CAMTA2: variants seen among roughly 807,000 people sequenced by gnomAD.
The protein encoded by CAMTA2 is calmodulin binding transcription activator 2.
A neutral mutation model predicts 135.7 loss-of-function variants in CAMTA2; 56 were observed. The ratio of observed to expected loss-of-function variants is 0.41; its 90% CI spans 0.33 to 0.52. The LOEUF is 0.52. CAMTA2 is among the 20% of genes least tolerant of loss of function. The pLI is 0.16. For missense variants in CAMTA2, 1,358 were observed against 1,553.4 expected (o/e 0.87, Z 2.11); for synonymous variants, 591 against 604.6 (o/e 0.98, Z 0.33).
In CAMTA2 at chr17:4,977,153, C is replaced by T. The variant is rs890876233; in HGVS notation, c.1805G>A (p.Arg602Gln). The T allele has an allele frequency of 1.1e-5, 17 of 1,613,900 alleles. No homozygotes were observed. The African/African-American group carries it at 1.2e-4, about 11-fold the overall frequency. Reference protein sequence around the residue: ...VGLVSLQVAGREGPLSASVLF... With the variant: ...VGLVSLQVAGQEGPLSASVLF... The stretch of plus-strand genomic sequence containing the variant: ...CACAGAAGCAGAAAGGGGCCCCTCC[C>T]GCCCTGCCACCTGCAAAGACACCAG... Residue 602 changes from arginine (R) to glutamine (Q), a missense_variant, in exon 11 of 23, where the codon CGG (arginine) becomes CAG (glutamine). By Grantham distance (43) the Arg-to-Gln change is conservative. This residue lies in a region of CAMTA2 where 1,077 missense variants were observed against 1,127.5 expected (regional missense o/e 0.96). Transcript: ENST00000348066.
chr17:4,972,124 T>G, intron 16 of CAMTA2, 108 bp downstream of exon 16: 2 of 917,370 alleles, frequency 2.2e-6, no homozygotes, highest in Non-Finnish European at 3.4e-6. Context: ...ATGAAGTAAA[T>G]AGGCCCTTCC....
Position 4,969,051 on chromosome 17 carries a change from G to C in CAMTA2, c.3471-70C>G. 1 of 1,580,404 alleles carries C rather than the reference G, an allele frequency of 6.3e-7. No homozygotes were observed. Among genetic ancestry groups the C allele is most frequent in the South Asian group, 1.1e-5 (1 of 90,116 alleles). On this transcript the variant is annotated intron_variant, in intron 21 of 22. Transcript: ENST00000348066. The surrounding 1 kb of genome is among the most constrained non-coding windows in gnomAD (Gnocchi z 5.6). Reference sequence around the variant, plus strand: ...GCCTTCGGCCCCCCCAGGAACCCTAGGCAGGGAATGGCAGTGAGGCATGAT... The same window carrying C: ...GCCTTCGGCCCCCCCAGGAACCCTACGCAGGGAATGGCAGTGAGGCATGAT...
intron 12 of CAMTA2, chr17:4,974,009 T>C (rs988336930): frequency 2.3e-5 from 13 of 560,464 alleles, no homozygotes; most frequent in Non-Finnish European, 4.1e-5. Flanking sequence ...CAGCTCAGAT[T>C]AGTGCCATGT....
In CAMTA2 at chr17:4,972,856, C is replaced by T; in HGVS notation, c.2416G>A (p.Ala806Thr). 2 of 1,613,890 alleles carry T rather than the reference C, an allele frequency of 1.2e-6. No individual in the cohort carries two copies. Among genetic ancestry groups the T allele is most frequent in the Non-Finnish European group, 1.7e-6 (2 of 1,180,038 alleles). The change falls in exon 15 of 23, where the codon GCC (alanine) becomes ACC (threonine). Residue 806 changes from alanine (A) to threonine (T), a missense_variant. This residue lies in a region of CAMTA2 where 1,077 missense variants were observed against 1,127.5 expected (regional missense o/e 0.96). Coordinates refer to ENST00000348066, the MANE Select transcript of CAMTA2 (RefSeq NM_015099.4). ...VAHSRGHVRL[A>T]RCLEELQRQE... ...CTCTGTAGTTCCTCAAGGCAGCGGG[C>T]AAGGCGCACATGACCCCGGGAATGA...
In CAMTA2 at chr17:4,983,057, G is replaced by A. The variant is rs778927390; in HGVS notation, c.136-14C>T. The A allele has an allele frequency of 6.2e-7, 1 of 1,610,686 alleles. No individual in the cohort carries two copies. Among genetic ancestry groups the A allele is most frequent in the East Asian group, 2.2e-5 (1 of 44,854 alleles). Reference sequence around the variant, plus strand: ...GGATGCAATCTCCTGTAGGAGAGGAGGCACTCAGCTGGGCATCTCCTTCAC... The same window carrying A: ...GGATGCAATCTCCTGTAGGAGAGGAAGCACTCAGCTGGGCATCTCCTTCAC... On this transcript the variant is annotated splice_polypyrimidine_tract_variant and intron_variant, in intron 3 of 22. Coordinates refer to ENST00000348066, the MANE Select transcript of CAMTA2 (RefSeq NM_015099.4).
chr17:4,982,022 T>C, intron 6 of CAMTA2, 67 bp downstream of exon 6: 1 of 1,379,678 alleles, frequency 7.2e-7, no homozygotes, highest in Non-Finnish European at 1.0e-6. Context: ...TTTCACTTCC[T>C]TCTTTCAGAC....
chr17:4,969,298 T>C lies in CAMTA2; in HGVS notation c.3322A>G (p.Ile1108Val). The change falls in exon 21 of 23, where the codon ATC (isoleucine) becomes GTC (valine). Residue 1108 changes from isoleucine to valine, a missense_variant. By Grantham distance (29) the Ile-to-Val change is conservative (BLOSUM62 3). Transcript: ENST00000348066. This position sits in a 1 kb window ranked among gnomAD's most constrained non-coding sequence, Gnocchi z 5.6. ...YKKMTQAAIL[I>V]QSKFRSYYEQ... ...TAGTAGCTTCGGAACTTGCTCTGGATCAGGATGGCCGCCTGGGTCATCTTC... is the reference window on the plus strand; with the variant it reads ...TAGTAGCTTCGGAACTTGCTCTGGACCAGGATGGCCGCCTGGGTCATCTTC... The C allele has an allele frequency of 6.2e-7, 1 of 1,613,968 alleles. No homozygotes were observed. The highest frequency in any genetic ancestry group is 8.5e-7 in the Non-Finnish European group (1 of 1,179,978).
At chr17:4,975,995 T>G (rs532677630) in intron 11 of CAMTA2, among the ~76,000 whole-genome samples, 12 of 152,168 alleles carry the variant, frequency 7.9e-5, no homozygotes, top group Non-Finnish European at 1.6e-4. Flanking sequence ...TGAGAAGTAG[T>G]AGTATAGGAA....
chr17:4,977,333 C>T (rs1025737026), intron 10 of CAMTA2, 141 bp from the exon 11 acceptor site: 19 of 1,006,314 alleles, frequency 1.9e-5, no homozygotes, highest in Non-Finnish European at 2.4e-5. Flanking sequence ...CTTCAGTGGC[C>T]TTGGCACTAA....
At position 4,972,752 on chromosome 17, in the gene CAMTA2, A is replaced by G. The variant is rs1972373656; in HGVS notation, c.2503+17T>C. ...CTACCTACATCCCTCTCTCCAAAAG[A>G]TTAGGGCCACCCTCACCAGTGTCTG... On this transcript the variant is annotated intron_variant, in intron 15 of 22. Coordinates refer to ENST00000348066, the MANE Select transcript of CAMTA2 (RefSeq NM_015099.4). 1 of 1,609,556 alleles carries G rather than the reference A, an allele frequency of 6.2e-7. No individual in the cohort carries two copies. Among genetic ancestry groups the G allele is most frequent in the Non-Finnish European group, 8.5e-7 (1 of 1,176,528 alleles).
rs114757901 is a variant in CAMTA2, at chr17:4,975,341, T to C, written c.1901-841A>G. 5.3e-3 allele frequency among the ~76,000 whole-genome samples: 791 copies of C among 148,086 alleles called. 4 individuals are homozygous for C. Among genetic ancestry groups the C allele is most frequent in the African/African-American group, 0.019 (756 of 40,018 alleles). On this transcript the variant is annotated intron_variant, in intron 11 of 22. Coordinates refer to ENST00000348066, the MANE Select transcript of CAMTA2 (RefSeq NM_015099.4). ...AGGAGAGAGAGCAAAAAAGATAAAG[T>C]GAAGGAGAGGAGAGAAAGGACAAAG...
intron 6 of CAMTA2, 53 bp downstream of exon 6, chr17:4,982,036 T>C (rs1597771670): frequency 7.1e-7 from 1 of 1,411,114 alleles, no homozygotes; most frequent in East Asian, 2.3e-5. Context: ...TTCAGACCCG[T>C]GTCCCTCAAA....
chr17:4,987,183 G>A (rs1973400090), intron 1 of CAMTA2: 15 of 1,344,998 alleles, frequency 1.1e-5, no homozygotes, highest in Non-Finnish European at 1.4e-5. Context: ...GAGCGGGAGC[G>A]GGTCCTTGGG....
In CAMTA2 at chr17:4,986,263, G is replaced by A. The variant is rs1385009953; in HGVS notation, c.-41C>T. The A allele has an allele frequency of 6.5e-7, 1 of 1,532,636 alleles. No homozygotes were observed. Among genetic ancestry groups the A allele is most frequent in the East Asian group, 2.2e-5 (1 of 44,498 alleles). 94.9% of individuals were successfully genotyped at this position (1,532,636 alleles called of 1,614,324 possible). A position where few individuals can be genotyped will look rare whatever the true frequency, so the allele number is the denominator to read the frequency against. ...GGGCAAGGTCACCCCCGGCCTGAGG[G>A]GCCGGGGGGAGGGGGAGTCTGTGCT... On this transcript the variant is annotated 5_prime_UTR_variant, in exon 2 of 23. Coordinates refer to ENST00000348066, the MANE Select transcript of CAMTA2 (RefSeq NM_015099.4).
chr17:4,968,967 G>GT lies in CAMTA2; in HGVS notation c.3484dup (p.Thr1162AsnfsTer59), dbSNP rs1434028685. 1 of 1,614,178 alleles carries GT rather than the reference G, an allele frequency of 6.2e-7. No individual in the cohort carries two copies. The highest frequency in any genetic ancestry group is 8.5e-7 in the Non-Finnish European group (1 of 1,180,014). ...CCGGGCTGCCTGGTCCTGCTTCTTGGTGAGAAAGGAGCCTCTGGTGAAAGA... is the reference window on the plus strand; with the variant it reads ...CCGGGCTGCCTGGTCCTGCTTCTTGGTTGAGAAAGGAGCCTCTGGTGAAAGA... On this transcript the variant is annotated frameshift_variant, in exon 22 of 23. Coordinates refer to ENST00000348066, the MANE Select transcript of CAMTA2 (RefSeq NM_015099.4). LOFTEE classifies it high-confidence loss of function.
chr17:4,981,347 T>C lies in CAMTA2; in HGVS notation c.578A>G (p.Lys193Arg). 6.2e-7 allele frequency: 1 copy of C among 1,614,036 alleles called. No individual in the cohort carries two copies. The highest frequency in any genetic ancestry group is 8.5e-7 in the Non-Finnish European group (1 of 1,179,934). Residue 193 changes from lysine to arginine, a missense_variant, in exon 8 of 23, where the codon AAG (lysine) becomes AGG (arginine). This residue lies in a region of CAMTA2 where 1,077 missense variants were observed against 1,127.5 expected (regional missense o/e 0.96). Coordinates refer to ENST00000348066, the MANE Select transcript of CAMTA2 (RefSeq NM_015099.4). ...TTCTGTTCCATTCCCGCAGCTCCACTTGATGCCATGAACTAGAGAAGTTAG... is the reference window on the plus strand; with the variant it reads ...TTCTGTTCCATTCCCGCAGCTCCACCTGATGCCATGAACTAGAGAAGTTAG... ...GQLKPMFHGI[K>R]WSCGNGTEEF...
In CAMTA2 at chr17:4,968,364, C is replaced by A. The variant is rs1972039661; in HGVS notation, c.*392G>T. ...TCAGCCCTGAAACACGAGGGGCGTG[C>A]GCAGCGAAGGCAGTGGTGGGAACCG... On this transcript the variant is annotated 3_prime_UTR_variant, in exon 23 of 23. Coordinates refer to ENST00000348066, the MANE Select transcript of CAMTA2 (RefSeq NM_015099.4). 1 of 324,710 alleles carries A rather than the reference C, an allele frequency of 3.1e-6. No individual in the cohort carries two copies. Among genetic ancestry groups the A allele is most frequent in the East Asian group, 6.7e-5 (1 of 15,026 alleles). 20.1% of individuals were successfully genotyped at this position (324,710 alleles called of 1,614,324 possible).
rs116889814 is a variant in CAMTA2, at chr17:4,980,223, G to A, written c.1099C>T (p.Pro367Ser). Residue 367 changes from proline to serine, a missense_variant, in exon 9 of 23, where the codon CCA becomes TCA. By Grantham distance (74) the Pro-to-Ser change is moderately conservative. Transcript: ENST00000348066. The surrounding 1 kb of genome is among the most constrained non-coding windows in gnomAD (Gnocchi z 5.3). ...AAGGCAGGACTGGGAGGAGCTGGTG[G>A]GGCAGAAGGCTCAGTGCCTACAACC... ...AVVVGTEPSA[P>S]PAPPSPAFDP... 1.1e-3 allele frequency: 1,675 copies of A among 1,576,166 alleles called. 7 individuals are homozygous for A. The African/African-American group carries it at 0.012, about 11-fold the overall frequency.
At chr17:4,975,270 T>C (rs947234727) in intron 11 of CAMTA2, among the ~76,000 whole-genome samples, 26 of 151,350 alleles carry the variant, frequency 1.7e-4, no homozygotes, top group Admixed American at 1.4e-3. Context: ...ACACAGGTGA[T>C]AGGAGGACAG....
Sources: gnomAD v4.1 joint callset for allele counts (sites outside exome capture counted in the v4.1 genomes callset) on GRCh38, gnomAD v4.1.1 for gene constraint, gnomAD v4.1.1 regional missense constraint, Gnocchi (gnomAD v3.1) non-coding constraint, MANE v1.5 for transcripts, NCBI Gene and HGNC (gene_info 2026-07-23, HGNC 2026-07-21) for gene names.